KLHL1: variants seen among roughly 807,000 people sequenced by gnomAD.
The protein encoded by KLHL1 is kelch-like protein 1.
In KLHL1, 47 loss-of-function variants were observed where a neutral mutation model predicts 77.7. The ratio of observed to expected loss-of-function variants is 0.60; its 90% CI spans 0.48 to 0.77. The LOEUF (loss-of-function observed/expected upper bound fraction) is 0.77. Ranked by LOEUF, KLHL1 falls within the 30% of genes least tolerant of loss-of-function variation. The probability of loss-of-function intolerance (pLI) is 0.00; values close to 1 mark genes in which losing one functional copy is unlikely to be tolerated. For synonymous variants in KLHL1, 360 were observed against 325.2 expected, an observed-to-expected ratio of 1.11 and a Z score of -1.15; for missense variants, 925 against 910.8, an observed-to-expected ratio of 1.02 and a Z score of -0.20.
intron 1 of KLHL1, among the ~76,000 whole-genome samples, chr13:70,076,880 A>G (rs1162227788): frequency 1.3e-5 from 2 of 152,074 alleles, no homozygotes; most frequent in East Asian, 3.9e-4. Flanking sequence ...AAATAGATTC[A>G]ATATTATGTT....
At chr13:69,916,424 G>C (rs1882438782) in intron 4 of KLHL1, among the ~76,000 whole-genome samples, 1 of 152,012 alleles carries the variant, frequency 6.6e-6, no homozygotes, top group East Asian at 1.9e-4. Context: ...AAAATGATGA[G>C]TTCATGTCCT....
intron 1 of KLHL1, among the ~76,000 whole-genome samples, chr13:70,074,810 A>G (rs1038102805): frequency 6.6e-6 from 1 of 152,068 alleles, no homozygotes; most frequent in Non-Finnish European, 1.5e-5. Context: ...AATAAAAAAC[A>G]TAAGAACTCA....
chr13:69,726,268 A>G (rs74586978), intron 8 of KLHL1, among the ~76,000 whole-genome samples: 1 of 152,118 alleles, frequency 6.6e-6, no homozygotes, highest in African/African-American at 2.4e-5. Flanking sequence ...CAATAAAAGG[A>G]TTAGAATCCC....
intron 7 of KLHL1, among the ~76,000 whole-genome samples, chr13:69,761,528 ACAG>A (rs2137965789): frequency 6.6e-6 from 1 of 152,304 alleles, no homozygotes; most frequent in African/African-American, 2.4e-5. Context: ...ACTTCATTTA[ACAG>A]TATATATAAG....
intron 1 of KLHL1, among the ~76,000 whole-genome samples, chr13:69,983,758 C>A (rs1046102432): frequency 4.6e-5 from 7 of 151,724 alleles, no homozygotes; most frequent in South Asian, 2.1e-4. Context: ...ACACAGCAAG[C>A]CCCTATTTCA....
intron 1 of KLHL1, among the ~76,000 whole-genome samples, chr13:70,099,854 C>A (rs1023362085): frequency 6.6e-6 from 1 of 151,794 alleles, no homozygotes; most frequent in Non-Finnish European, 1.5e-5. Flanking sequence ...AATAGTATTT[C>A]ATTATATGAC....
chr13:69,917,901 G>C (rs1196661970), intron 4 of KLHL1, among the ~76,000 whole-genome samples: 1 of 151,922 alleles, frequency 6.6e-6, no homozygotes, highest in Non-Finnish European at 1.5e-5. Context: ...GTTTTTCACT[G>C]TACTAAGATT....
chr13:70,006,706 A>C (rs1885415889), intron 1 of KLHL1, among the ~76,000 whole-genome samples: 2 of 151,902 alleles, frequency 1.3e-5, no homozygotes, highest in Non-Finnish European at 2.9e-5. Flanking sequence ...TACCAGTTTT[A>C]GGGAGAAAGA....
chr13:69,809,299 A>G (rs1877759359), intron 6 of KLHL1, among the ~76,000 whole-genome samples: 1 of 152,182 alleles, frequency 6.6e-6, no homozygotes, highest in South Asian at 2.1e-4. Flanking sequence ...TATTGAAGGC[A>G]ACTAAGAAAA....
chr13:70,025,753 GGC>G (rs919485795), intron 1 of KLHL1, among the ~76,000 whole-genome samples: 6 of 151,764 alleles, frequency 4.0e-5, no homozygotes, highest in African/African-American at 1.4e-4. Context: ...AATATGTACA[GGC>G]ATATATATTT....
At chr13:70,078,057 T>A (rs1469123872) in intron 1 of KLHL1, among the ~76,000 whole-genome samples, 1 of 152,034 alleles carries the variant, frequency 6.6e-6, no homozygotes, top group Non-Finnish European at 1.5e-5. Context: ...ATGATCTTTT[T>A]TCTTTTTATT....
intron 7 of KLHL1, among the ~76,000 whole-genome samples, chr13:69,755,942 C>T (rs1019817562): frequency 1.4e-4 from 21 of 152,086 alleles, no homozygotes; most frequent in Non-Finnish European, 2.6e-4. Flanking sequence ...CTTTTTGATT[C>T]TCGCTGTGTG....
intron 7 of KLHL1, among the ~76,000 whole-genome samples, chr13:69,760,970 T>A (rs1874993762): frequency 6.6e-6 from 1 of 152,088 alleles, no homozygotes; most frequent in African/African-American, 2.4e-5. Flanking sequence ...CACAACAGAA[T>A]CTCCCATTGT....
At chr13:69,936,263 G>A (rs1883186091) in intron 4 of KLHL1, among the ~76,000 whole-genome samples, 1 of 152,060 alleles carries the variant, frequency 6.6e-6, no homozygotes, top group African/African-American at 2.4e-5. Context: ...CTGGGTAGCA[G>A]CTTAGAGGGT....
At chr13:69,927,388 A>G (rs940650343) in intron 4 of KLHL1, among the ~76,000 whole-genome samples, 1 of 152,192 alleles carries the variant, frequency 6.6e-6, no homozygotes, top group African/African-American at 2.4e-5. Context: ...AAGCAATAAA[A>G]GAAAAATGGA....
At chr13:69,915,688 G>A (rs1209068659) in intron 4 of KLHL1, among the ~76,000 whole-genome samples, 2 of 151,966 alleles carry the variant, frequency 1.3e-5, no homozygotes, top group Non-Finnish European at 2.9e-5. Context: ...CATGGGCAAG[G>A]ACTTCATGTC....
At chr13:69,843,819 T>A (rs950768787) in intron 5 of KLHL1, among the ~76,000 whole-genome samples, 4 of 151,700 alleles carry the variant, frequency 2.6e-5, no homozygotes, top group East Asian at 1.9e-4. Flanking sequence ...GACTTTTTTT[T>A]TATACTTTAA....
At chr13:70,084,298 T>C (rs1225392653) in intron 1 of KLHL1, among the ~76,000 whole-genome samples, 1 of 152,144 alleles carries the variant, frequency 6.6e-6, no homozygotes, top group Non-Finnish European at 1.5e-5. Context: ...ATACCCAGCA[T>C]AGGGGATGTA....
Position 69,879,556 on chromosome 13 carries a change from G to A in KLHL1, c.1227+2727C>T, listed in dbSNP as rs191444066. Among the ~76,000 whole-genome samples the A allele has an allele frequency of 1.9e-3, 296 of 152,146 alleles. 1 individual carries two copies. Among genetic ancestry groups the A allele is most frequent in the Non-Finnish European group, 3.5e-3 (240 of 67,992 alleles). ...GAAAAAAAGCATGGACAAACCTTAC[G>A]TTAATGAATCCAAGAGCAGCAAAAA... is the stretch of plus-strand genomic sequence containing the variant. On this transcript the variant is annotated intron_variant, in intron 5 of 10. Coordinates refer to ENST00000377844, the MANE Select transcript of KLHL1 (RefSeq NM_020866.3).
Sources: gnomAD v4.1 joint callset for allele counts (sites outside exome capture counted in the v4.1 genomes callset) on GRCh38, gnomAD v4.1.1 for gene constraint, MANE v1.5 for transcripts, NCBI Gene and HGNC (gene_info 2026-07-23, HGNC 2026-07-21) for gene names.